Variants in C16orf96 observed in about 807,000 individuals in gnomAD.
C16orf96 encodes the protein chromosome 16 open reading frame 96.
A neutral mutation model predicts 103.6 loss-of-function variants in C16orf96; 108 were observed. That is an observed-to-expected ratio of 1.04 (90% CI 0.89 to 1.22). The LOEUF (loss-of-function observed/expected upper bound fraction) is 1.22. Among genes scored for constraint, C16orf96 ranks in the 50% most tolerant of loss-of-function variants. C16orf96 has a pLI of 0.00. For missense variants in C16orf96, 1,586 were observed against 1,464.2 expected, an observed-to-expected ratio of 1.08 and a Z score of -1.36; for synonymous variants, 566 against 593.5, an observed-to-expected ratio of 0.95 and a Z score of 0.67.
At chr16:4,571,524 C>A (rs1375175443) in intron 1 of C16orf96, 37 bp from the exon 2 acceptor site, 2 of 1,522,654 alleles carry the variant, frequency 1.3e-6, no homozygotes, top group Admixed American at 4.0e-5. Flanking sequence ...CTCCCCCAGC[C>A]ATACCCGGCT....
intron 2 of C16orf96, among the ~76,000 whole-genome samples, chr16:4,574,215 A>T (rs1307345225): frequency 2.0e-5 from 3 of 149,712 alleles, no homozygotes; most frequent in Non-Finnish European, 3.0e-5. Context: ...AATGTTTTTT[A>T]TTTATTTATT....
chr16:4,578,846 G>C (rs192241559), intron 5 of C16orf96, 94 bp from the exon 6 acceptor site: 1 of 884,712 alleles, frequency 1.1e-6, no homozygotes, highest in Admixed American at 2.2e-5. Context: ...GGGCAGTGCT[G>C]CCTGAGATGC....
At chr16:4,571,499 C>T (rs1279293264) in intron 1 of C16orf96, 62 bp from the exon 2 acceptor site, 5 of 1,400,498 alleles carry the variant, frequency 3.6e-6, no homozygotes, top group South Asian at 1.3e-5. Context: ...AAAGCTTCTG[C>T]ACTTCACTTA....
At chr16:4,599,455 T>C (rs1048792666) in intron 15 of C16orf96, 91 bp downstream of exon 15, 3 of 1,121,618 alleles carry the variant, frequency 2.7e-6, no homozygotes, top group Middle Eastern at 2.0e-4. Flanking sequence ...ACACCCCGCC[T>C]GGGCTCTCCT....
rs577147105 is a variant in C16orf96, at chr16:4,576,731, C to G, written c.2155+96C>G. On this transcript the variant is annotated intron_variant, in intron 5 of 15. Transcript: ENST00000444310. ...CCTGTCCTTCACTGGGCTCCACCAA[C>G]AAAATCTGCATTCCACCATTAGCCA... 19 of 1,182,914 alleles carry G rather than the reference C, an allele frequency of 1.6e-5. No individual in the cohort carries two copies. The African/African-American group carries it at 2.6e-4, about 16-fold the overall frequency. The allele number at this position is 1,182,914 out of a possible 1,614,324, so 73.3% of individuals were successfully genotyped here.
Position 4,576,461 on chromosome 16 carries a change from C to T in C16orf96, c.1981C>T (p.Pro661Ser). The change falls in exon 5 of 16, where the codon CCA becomes TCA. Residue 661 changes from proline to serine, a missense_variant. Coordinates refer to ENST00000444310, the MANE Select transcript of C16orf96 (RefSeq NM_001145011.2). ...CTCTGCTGCCAGCATCGGTCCCGAT[C>T]CAGCCCTGTCCCAGGCCATGGTGGC... The part of the protein sequence containing the change: ...SYSAASIGPD[P>S]ALSQAMVATK... 1 of 1,551,458 alleles carries T rather than the reference C, an allele frequency of 6.4e-7. No homozygotes were observed. The highest frequency in any genetic ancestry group is 2.4e-5 in the East Asian group (1 of 40,928).
chr16:4,544,482 C>T, the C16orf96 span, among the ~76,000 whole-genome samples: 2 of 152,140 alleles, frequency 1.3e-5, no homozygotes, highest in Non-Finnish European at 1.5e-5. Flanking sequence ...GTGCACGTGC[C>T]TGTGGTCCCA....
the C16orf96 span, among the ~76,000 whole-genome samples, chr16:4,539,535 A>G: frequency 2.6e-5 from 4 of 152,190 alleles, no homozygotes; most frequent in South Asian, 8.3e-4. Flanking sequence ...AAATACAAAA[A>G]TTAGCCGGGT....
upstream of C16orf96, among the ~76,000 whole-genome samples, chr16:4,555,585 CT>C (rs2059255144): frequency 6.6e-6 from 1 of 152,138 alleles, no homozygotes; most frequent in South Asian, 2.1e-4. Flanking sequence ...CTTGGCCAGG[CT>C]AGTCTTGAAT....
chr16:4,552,289 C>G (rs966809612), upstream of C16orf96, among the ~76,000 whole-genome samples: 9 of 152,058 alleles, frequency 5.9e-5, no homozygotes, highest in African/African-American at 2.2e-4. Context: ...CGAGACCAGC[C>G]TGGGCAACGT....
In C16orf96 at chr16:4,596,636, C is replaced by T. The variant is rs530688344; in HGVS notation, c.3127+1833C>T. Among the ~76,000 whole-genome samples, 243 of 152,222 alleles carry T rather than the reference C, an allele frequency of 1.6e-3. 1 individual carries two copies. Among genetic ancestry groups the T allele is most frequent in the Admixed American group, 2.3e-3 (35 of 15,280 alleles). The stretch of plus-strand genomic sequence containing the variant: ...ATTTGAGGCTGTAGTGAGCCATGAT[C>T]TCACCACTGCACTCCAGCCTGGGCG... On this transcript the variant is annotated intron_variant, in intron 14 of 15. Coordinates refer to ENST00000444310, the MANE Select transcript of C16orf96 (RefSeq NM_001145011.2).
chr16:4,585,819 T>C (rs972612526), intron 7 of C16orf96, among the ~76,000 whole-genome samples: 7 of 152,130 alleles, frequency 4.6e-5, no homozygotes, highest in Non-Finnish European at 8.8e-5. Flanking sequence ...CCGGGGTCAT[T>C]ATTCTAAGTG....
rs779685579 is a variant in C16orf96 at position 4,594,728 on chromosome 16, G to A, written c.3052G>A (p.Asp1018Asn). Residue 1018 changes from aspartate to asparagine, a missense_variant, in exon 14 of 16, where the codon GAT (aspartate) becomes AAT (asparagine). By Grantham distance (23) the Asp-to-Asn change is conservative. Coordinates refer to ENST00000444310, the MANE Select transcript of C16orf96 (RefSeq NM_001145011.2). The part of the protein sequence containing the change: ...DSAEVDILGV[D>N]GILYKGRVNS... Reference sequence around the variant, plus strand: ...GGCCGAGGTGGACATCCTGGGCGTGGATGGGATCCTGTACAAAGGCCGCGT... The same window carrying A: ...GGCCGAGGTGGACATCCTGGGCGTGAATGGGATCCTGTACAAAGGCCGCGT... 1.3e-6 allele frequency: 2 copies of A among 1,551,336 alleles called. No individual in the cohort carries two copies. The highest frequency in any genetic ancestry group is 1.7e-6 in the Non-Finnish European group (2 of 1,146,936).
Position 4,576,622 on chromosome 16 carries a change from CTTGAG to C in C16orf96, c.2145_2149del (p.Tyr717SerfsTer27). The C allele has an allele frequency of 6.4e-7, 1 of 1,550,842 alleles. No homozygotes were observed. The highest frequency in any genetic ancestry group is 8.7e-7 in the Non-Finnish European group (1 of 1,146,602). On this transcript the variant is annotated frameshift_variant, in exon 5 of 16. Coordinates refer to ENST00000444310, the MANE Select transcript of C16orf96 (RefSeq NM_001145011.2). LOFTEE classifies it high-confidence loss of function. ...AGCTGTCCTGTAACCTGAACCAGCG[CTTGAG>C]TTATCTAGGTAGGCCTGGTCTGGCC...
the C16orf96 span, among the ~76,000 whole-genome samples, chr16:4,550,493 A>C: frequency 2.6e-5 from 4 of 152,196 alleles, no homozygotes; most frequent in Non-Finnish European, 4.4e-5. Context: ...CCTCTCCAGC[A>C]TCAAGCTAAT....
Position 4,575,931 on chromosome 16 carries a change from G to T in C16orf96, c.1451G>T (p.Arg484Leu). 2 of 1,550,332 alleles carry T rather than the reference G, an allele frequency of 1.3e-6. No individual in the cohort carries two copies. The highest frequency in any genetic ancestry group is 1.7e-6 in the Non-Finnish European group (2 of 1,146,672). Reference protein sequence around the residue: ...RKDGAPKDRTRKDGVPKDRGG... With the variant: ...RKDGAPKDRTLKDGVPKDRGG... ...GATGGGGCCCCCAAGGATAGAACTCGCAAGGATGGGGTCCCCAAAGATAGA... is the reference window on the plus strand; with the variant it reads ...GATGGGGCCCCCAAGGATAGAACTCTCAAGGATGGGGTCCCCAAAGATAGA... Residue 484 changes from arginine to leucine, a missense_variant, in exon 5 of 16, where the codon CGC becomes CTC. Arg to Leu is a moderately radical substitution (Grantham distance 102, BLOSUM62 -2). Coordinates refer to ENST00000444310, the MANE Select transcript of C16orf96 (RefSeq NM_001145011.2).
the C16orf96 span, among the ~76,000 whole-genome samples, chr16:4,540,466 C>G: frequency 6.6e-6 from 1 of 152,098 alleles, no homozygotes; most frequent in Non-Finnish European, 1.5e-5. Flanking sequence ...GGCGTGGTGG[C>G]TCATGCCTGT....
chr16:4,596,086 A>G (rs1159237184), intron 14 of C16orf96, among the ~76,000 whole-genome samples: 1 of 152,116 alleles, frequency 6.6e-6, no homozygotes, highest in Non-Finnish European at 1.5e-5. Flanking sequence ...TGTGCTGGGC[A>G]AAGGAGGAGG....
Position 4,575,777 on chromosome 16 carries a change from T to C in C16orf96, c.1297T>C (p.Leu433=), listed in dbSNP as rs572360329. The change falls in exon 5 of 16, where the codon TTG becomes CTG. Residue 433 remains leucine (L), a synonymous_variant. Transcript: ENST00000444310. The part of the protein sequence containing the change: ...APPPATEFGS[L]WPRPLQPYQS... ...ACCACCAGCCACTGAGTTTGGCTCA[T>C]TGTGGCCTCGACCACTCCAGCCATA... 85 of 1,550,336 alleles carry C rather than the reference T, an allele frequency of 5.5e-5. No individual in the cohort carries two copies. The highest frequency in any genetic ancestry group is 3.7e-4 in the East Asian group (15 of 40,904).
Sources: gnomAD v4.1 joint callset for allele counts (sites outside exome capture counted in the v4.1 genomes callset) on GRCh38, gnomAD v4.1.1 for gene constraint, MANE v1.5 for transcripts, NCBI Gene and HGNC (gene_info 2026-07-23, HGNC 2026-07-21) for gene names.